Variants in BUB1 observed in about 807,000 individuals in gnomAD.
BUB1 encodes the protein BUB1 mitotic checkpoint serine/threonine kinase, also known as mitotic checkpoint serine/threonine-protein kinase BUB1.
Under a neutral mutation model 135.2 loss-of-function variants are expected in BUB1, and 84 were observed. The observed-to-expected ratio is 0.62, with a 90% CI of 0.52 to 0.74. The LOEUF is 0.74. BUB1 is among the 30% of genes least tolerant of loss of function. The pLI is 0.00. For synonymous variants in BUB1, 403 were observed against 434.4 expected, an observed-to-expected ratio of 0.93 and a Z score of 0.90; for missense variants, 1,162 against 1,288.3, an observed-to-expected ratio of 0.90 and a Z score of 1.50.
At chr2:110,645,140 G>A (rs1456023012) in intron 19 of BUB1, among the ~76,000 whole-genome samples, 1 of 152,060 alleles carries the variant, frequency 6.6e-6, no homozygotes, top group Non-Finnish European at 1.5e-5. Context: ...CAGATGAAAA[G>A]TAAAGGGATA....
chr2:110,642,804 ACCT>A (rs1215514982), intron 19 of BUB1: 9 of 152,444 alleles, frequency 5.9e-5, no homozygotes, highest in African/African-American at 2.2e-4. Context: ...TGATCCTCCC[ACCT>A]CAGGCTCCTG....
chr2:110,664,999 G>C (rs1049022402), intron 9 of BUB1, among the ~76,000 whole-genome samples: 1 of 152,164 alleles, frequency 6.6e-6, no homozygotes, highest in South Asian at 2.1e-4. Context: ...GAAGTTTATA[G>C]AGGGCAGACT....
intron 6 of BUB1, 89 bp downstream of exon 6, chr2:110,669,364 T>G: frequency 5.6e-6 from 5 of 888,476 alleles, no homozygotes; most frequent in Non-Finnish European, 9.4e-6. Context: ...ATCAAAGAAA[T>G]GAGATGTCAA....
At position 110,641,791 on chromosome 2, in the gene BUB1, C is replaced by G; in HGVS notation, c.2476G>C (p.Ala826Pro). 1 of 1,604,948 alleles carries G rather than the reference C, an allele frequency of 6.2e-7. No homozygotes were observed. The highest frequency in any genetic ancestry group is 1.1e-5 in the South Asian group (1 of 90,730). Residue 826 changes from alanine to proline, a missense_variant, in exon 21 of 25, where the codon GCC becomes CCC. Physicochemically the swap from Ala to Pro is conservative, Grantham distance 27. Coordinates refer to ENST00000302759, the MANE Select transcript of BUB1 (RefSeq NM_004336.5). The part of the protein sequence containing the change: ...QKFVLKVQKP[A>P]NPWEFYIGTQ... ...CCAATGTAGAATTCCCAGGGGTTGG[C>G]AGGCTTTTGGACCTGCAAATCAGGT...
chr2:110,644,594 G>GA (rs1689596066), intron 19 of BUB1, among the ~76,000 whole-genome samples: 1 of 151,022 alleles, frequency 6.6e-6, no homozygotes, highest in Non-Finnish European at 1.5e-5. Flanking sequence ...GATAAATACT[G>GA]AAAAATCAAC....
intron 20 of BUB1, 115 bp downstream of exon 20, chr2:110,642,004 G>A: frequency 1.0e-6 from 1 of 991,538 alleles, no homozygotes; most frequent in Non-Finnish European, 1.5e-6. Flanking sequence ...TTTTTTAATT[G>A]CCAACTGTAG....
In BUB1 at chr2:110,670,514, C is replaced by G. The variant is rs772798141; in HGVS notation, c.466+11G>C. The G allele has an allele frequency of 2.5e-6, 4 of 1,613,634 alleles. No individual in the cohort carries two copies. Among genetic ancestry groups the G allele is most frequent in the Non-Finnish European group, 3.4e-6 (4 of 1,179,654 alleles). ...GGACAACAACAGGCATTTTAGAAAG[C>G]CTGATTTTACCTTGAGCTGGCAAAT... On this transcript the variant is annotated intron_variant, in intron 5 of 24. Transcript: ENST00000302759.
intron 1 of BUB1, among the ~76,000 whole-genome samples, chr2:110,677,011 A>C (rs1690608477): frequency 6.6e-6 from 1 of 152,232 alleles, no homozygotes; most frequent in African/African-American, 2.4e-5. Context: ...TTCTTCCAAA[A>C]TATGTCTAGT....
chr2:110,639,409 GAAA>G (rs1054861451), intron 24 of BUB1, among the ~76,000 whole-genome samples: 2 of 139,124 alleles, frequency 1.4e-5, no homozygotes, highest in Non-Finnish European at 3.1e-5. Context: ...AAAAAAAAAA[GAAA>G]AAAAAGAAAA....
intron 4 of BUB1, 124 bp from the exon 5 acceptor site, chr2:110,670,692 T>C (rs912200497): frequency 2.3e-6 from 2 of 885,326 alleles, no homozygotes; most frequent in Admixed American, 5.2e-5. Flanking sequence ...CAAGAGAGAA[T>C]GTACAGTTGC....
chr2:110,676,781 T>C (rs929574507), intron 1 of BUB1, among the ~76,000 whole-genome samples: 2 of 152,108 alleles, frequency 1.3e-5, no homozygotes, highest in African/African-American at 4.8e-5. Context: ...ATTATAATAA[T>C]GTAAATATTT....
rs1425742391 is a variant in BUB1 at position 110,639,832 on chromosome 2, A to C, written c.2972T>G (p.Val991Gly). Residue 991 changes from valine (V) to glycine (G), a missense_variant, in exon 24 of 25, where the codon GTT becomes GGT. Coordinates refer to ENST00000302759, the MANE Select transcript of BUB1 (RefSeq NM_004336.5). The stretch of plus-strand genomic sequence containing the variant: ...GAGCATGCAATATACTGTTGCAGCA[A>C]CCCCAAAGTAATCGATCTATGAAGA... ...PWNYQIDYFG[V>G]AATVYCMLFG... 6.2e-7 allele frequency: 1 copy of C among 1,613,634 alleles called. No individual in the cohort carries two copies. Among genetic ancestry groups the C allele is most frequent in the Non-Finnish European group, 8.5e-7 (1 of 1,179,530 alleles).
Position 110,672,689 on chromosome 2 carries a change from G to T in BUB1, c.394C>A (p.Pro132Thr), listed in dbSNP as rs1458707383. The change falls in exon 4 of 25, where the codon CCC becomes ACC. Residue 132 changes from proline to threonine, a missense_variant. Physicochemically the swap from Pro to Thr is conservative, Grantham distance 38. Coordinates refer to ENST00000302759, the MANE Select transcript of BUB1 (RefSeq NM_004336.5). ...TATTGTTGTTGCAGGAACTCTCTGG[G>T]TTCAGCCTGGTTTTGAATTCCTCTC... ...LQRGIQNQAE[P>T]REFLQQQYRL... The T allele has an allele frequency of 1.2e-6, 2 of 1,605,184 alleles. No individual in the cohort carries two copies. Among genetic ancestry groups the T allele is most frequent in the Non-Finnish European group, 1.7e-6 (2 of 1,176,972 alleles).
Position 110,658,644 on chromosome 2 carries a change from A to T in BUB1, c.1375T>A (p.Ser459Thr), listed in dbSNP as rs768094993. The T allele has an allele frequency of 2.0e-5, 32 of 1,614,122 alleles. No homozygotes were observed. The highest frequency in any genetic ancestry group is 2.6e-5 in the Non-Finnish European group (31 of 1,180,052). ...GCTTCTTTTGTGTGCACGGTGGGTG[A>T]TGGCTGCACTTTGGATGGCGTTGCC... ...VQATPSKVQP[S>T]PTVHTKEALG... is the part of the protein sequence containing the mutation. The change falls in exon 12 of 25, where the codon TCA becomes ACA. Residue 459 changes from serine to threonine, a missense_variant. Transcript: ENST00000302759.
At chr2:110,655,704 G>A in intron 16 of BUB1, 35 bp downstream of exon 16, 1 of 1,467,300 alleles carries the variant, frequency 6.8e-7, no homozygotes, top group Non-Finnish European at 9.2e-7. Flanking sequence ...ATCAAAGTTG[G>A]CAGAAGACAG....
intron 15 of BUB1, among the ~76,000 whole-genome samples, chr2:110,656,567 A>G (rs1197152276): frequency 6.6e-6 from 1 of 152,186 alleles, no homozygotes; most frequent in Non-Finnish European, 1.5e-5. Flanking sequence ...CAGAGGTGAA[A>G]TGTTCTTCTC....
Position 110,674,339 on chromosome 2 carries a change from T to G in BUB1, c.53A>C (p.Tyr18Ser), listed in dbSNP as rs1407027164. 1.2e-6 allele frequency: 2 copies of G among 1,613,990 alleles called. No individual in the cohort carries two copies. Among genetic ancestry groups the G allele is most frequent in the Non-Finnish European group, 1.7e-6 (2 of 1,180,004 alleles). ...LQMLEAHMQS[Y>S]KGNDPLGEWE... ...TTCACCAAGAGGGTCATTGCCCTTGTAGCTCTGCATGTGGGCTTCAAGCAT... is the reference window on the plus strand; with the variant it reads ...TTCACCAAGAGGGTCATTGCCCTTGGAGCTCTGCATGTGGGCTTCAAGCAT... The change falls in exon 2 of 25, where the codon TAC (tyrosine) becomes TCC (serine). Residue 18 changes from tyrosine to serine, a missense_variant. Tyr to Ser is a moderately radical substitution (Grantham distance 144, BLOSUM62 -2). Coordinates refer to ENST00000302759, the MANE Select transcript of BUB1 (RefSeq NM_004336.5).
intron 16 of BUB1, among the ~76,000 whole-genome samples, chr2:110,653,868 G>A (rs1689850277): frequency 6.6e-6 from 1 of 151,980 alleles, no homozygotes; most frequent in Non-Finnish European, 1.5e-5. Context: ...AACCAGATGT[G>A]GTGGTAGGAG....
rs370844478 is a variant in BUB1 at position 110,661,785 on chromosome 2, T to A, written c.1014A>T (p.Pro338=). The A allele has an allele frequency of 2.5e-6, 4 of 1,614,218 alleles. No homozygotes were observed. In the African/African-American group the frequency reaches 4.0e-5, roughly 16 times the overall value. The change falls in exon 10 of 25, where the codon CCA becomes CCT. Residue 338 remains proline (P), a synonymous_variant. Coordinates refer to ENST00000302759, the MANE Select transcript of BUB1 (RefSeq NM_004336.5). The part of the protein sequence containing the change: ...SVGSQQELRA[P]CLPVTYQQTP... ...TCTGCTGATAGGTTACTGGAAGACA[T>A]GGCGCTCTCAGTTCCTGCTGGGAGC...
Sources: gnomAD v4.1 joint callset for allele counts (sites outside exome capture counted in the v4.1 genomes callset) on GRCh38, gnomAD v4.1.1 for gene constraint, MANE v1.5 for transcripts, NCBI Gene and HGNC (gene_info 2026-07-23, HGNC 2026-07-21) for gene names.